Variants in DCC observed in about 807,000 individuals in gnomAD.
DCC encodes netrin receptor DCC.
DCC carries 58 observed loss-of-function variants against 172.5 expected under a neutral mutation model. That is an observed-to-expected ratio of 0.34 (90% CI 0.27 to 0.42). The LOEUF (loss-of-function observed/expected upper bound fraction) is 0.42. Among genes scored for constraint, DCC ranks in the 10% least tolerant of loss-of-function variants. The pLI, the probability that DCC is intolerant of heterozygous loss-of-function variation, is 1.00. For synonymous variants in DCC, 709 were observed against 644.5 expected (o/e 1.10, Z -1.52); for missense variants, 1,740 against 1,791.0 (o/e 0.97, Z 0.51).
intron 1 of DCC, among the ~76,000 whole-genome samples, chr18:52,374,048 C>T (rs62083510): frequency 0.071 from 10,835 of 151,782 alleles, 670 homozygotes; most frequent in African/African-American, 0.17. Flanking sequence ...CCCGCCACCA[C>T]GCCTGGATTT....
intron 5 of DCC, among the ~76,000 whole-genome samples, chr18:52,997,307 G>A (rs2041497460): frequency 1.3e-5 from 2 of 152,112 alleles, no homozygotes; most frequent in African/African-American, 4.8e-5. Flanking sequence ...TAACACAGAT[G>A]TAGATAGATT....
chr18:52,430,787 G>A (rs1449067292), intron 1 of DCC, among the ~76,000 whole-genome samples: 2 of 152,098 alleles, frequency 1.3e-5, no homozygotes, highest in Non-Finnish European at 2.9e-5. Flanking sequence ...AATGCACATA[G>A]TGAATTCAGG....
intron 1 of DCC, among the ~76,000 whole-genome samples, chr18:52,583,649 T>C (rs1279983674): frequency 6.6e-6 from 1 of 152,218 alleles, no homozygotes; most frequent in Non-Finnish European, 1.5e-5. Flanking sequence ...TTTCACTTTA[T>C]ACTTTGAATG....
chr18:52,448,189 G>C (rs1015817733), intron 1 of DCC, among the ~76,000 whole-genome samples: 1 of 152,144 alleles, frequency 6.6e-6, no homozygotes. Context: ...ACCCTACTGT[G>C]AACTGCACAT....
At chr18:52,887,059 T>G (rs1221055303) in intron 2 of DCC, among the ~76,000 whole-genome samples, 1 of 151,966 alleles carries the variant, frequency 6.6e-6, no homozygotes, top group Non-Finnish European at 1.5e-5. Context: ...CAGACTGGAG[T>G]GGAGTAGCCA....
intron 3 of DCC, among the ~76,000 whole-genome samples, chr18:52,906,802 G>C: frequency 6.6e-6 from 1 of 151,484 alleles, no homozygotes; most frequent in East Asian, 1.9e-4. Context: ...TATATCTATA[G>C]TTCAATATTA....
chr18:52,879,411 G>GTTTTTTT (rs1568164319), intron 2 of DCC, among the ~76,000 whole-genome samples: 16 of 44,952 alleles, frequency 3.6e-4, no homozygotes, highest in African/African-American at 1.1e-3. Context: ...ATGTTGTTTG[G>GTTTTTTT]CTTTTTTTTT....
intron 5 of DCC, among the ~76,000 whole-genome samples, chr18:52,979,059 C>A (rs2145600681): frequency 6.6e-6 from 1 of 152,060 alleles, no homozygotes; most frequent in Admixed American, 6.5e-5. Flanking sequence ...TGGAAATGTG[C>A]TTTTTTAAAA....
intron 2 of DCC, among the ~76,000 whole-genome samples, chr18:52,873,798 G>A (rs1363169930): frequency 6.6e-6 from 1 of 152,146 alleles, no homozygotes; most frequent in Admixed American, 6.5e-5. Flanking sequence ...GAGTATAGAT[G>A]AGGGAAGGAA....
intron 11 of DCC, among the ~76,000 whole-genome samples, chr18:53,210,395 C>T (rs1598909452): frequency 6.6e-6 from 1 of 152,166 alleles, no homozygotes; most frequent in Non-Finnish European, 1.5e-5. Context: ...AAACATCTAA[C>T]AAAGTGTATG....
At chr18:52,995,749 C>T (rs1017869520) in intron 5 of DCC, among the ~76,000 whole-genome samples, 1 of 151,926 alleles carries the variant, frequency 6.6e-6, no homozygotes, top group African/African-American at 2.4e-5. Context: ...GAACATAAGG[C>T]ACCTTTCTTT....
At chr18:53,088,457 T>A (rs918883578) in intron 7 of DCC, among the ~76,000 whole-genome samples, 6 of 152,184 alleles carry the variant, frequency 3.9e-5, no homozygotes, top group Non-Finnish European at 7.4e-5. Context: ...TGAGTTTGTA[T>A]CCTGAGACTT....
chr18:53,526,867 G>A (rs1434835684), intron 28 of DCC, 108 bp downstream of exon 28: 2 of 1,101,372 alleles, frequency 1.8e-6, no homozygotes, highest in East Asian at 4.8e-5. Flanking sequence ...GCCACCCCAG[G>A]CCATTGTTGT....
At chr18:52,810,425 G>C (rs2038173614) in intron 2 of DCC, among the ~76,000 whole-genome samples, 1 of 152,160 alleles carries the variant, frequency 6.6e-6, no homozygotes, top group African/African-American at 2.4e-5. Context: ...ATACCAATCT[G>C]GCAGTTCCTG....
At chr18:53,022,539 ATGTGCGTG>A (rs1192970382) in intron 5 of DCC, among the ~76,000 whole-genome samples, 78 of 117,718 alleles carry the variant, frequency 6.6e-4, no homozygotes, top group Middle Eastern at 4.4e-3. Flanking sequence ...TTATATATAT[ATGTGCGTG>A]TGTGTGTGTG....
intron 3 of DCC, among the ~76,000 whole-genome samples, chr18:52,922,519 A>G (rs576407010): frequency 6.6e-6 from 1 of 152,062 alleles, no homozygotes; most frequent in Non-Finnish European, 1.5e-5. Flanking sequence ...TCATTGCCTC[A>G]TTTTCTTTGC....
chr18:53,011,670 T>A (rs572292999), intron 5 of DCC, among the ~76,000 whole-genome samples: 101 of 151,930 alleles, frequency 6.6e-4, no homozygotes, highest in Non-Finnish European at 1.2e-3. Flanking sequence ...AAACATGCAG[T>A]TTAATTTGAA....
chr18:52,969,623 T>TCTCTCTC (rs2040995069), intron 5 of DCC, among the ~76,000 whole-genome samples: 1 of 96,280 alleles, frequency 1.0e-5, no homozygotes, highest in African/African-American at 4.4e-5. Context: ...CTCTCTCTCT[T>TCTCTCTC]TCTGTGACTC....
At chr18:52,605,785 T>A (rs1216446603) in intron 1 of DCC, among the ~76,000 whole-genome samples, 2 of 152,054 alleles carry the variant, frequency 1.3e-5, no homozygotes, top group Non-Finnish European at 2.9e-5. Flanking sequence ...AGTAAGGGCA[T>A]TACTTATGAA....
Sources: gnomAD v4.1 joint callset for allele counts (sites outside exome capture counted in the v4.1 genomes callset) on GRCh38, gnomAD v4.1.1 for gene constraint, MANE v1.5 for transcripts, NCBI Gene and HGNC (gene_info 2026-07-23, HGNC 2026-07-21) for gene names.